Variants in SPPL2B observed in about 807,000 individuals in gnomAD.
SPPL2B encodes signal peptide peptidase-like 2B.
Under a neutral mutation model 59.7 loss-of-function variants are expected in SPPL2B, and 39 were observed. The ratio of observed to expected loss-of-function variants is 0.65; its 90% confidence interval spans 0.51 to 0.85. SPPL2B has a LOEUF of 0.85. Ranked by LOEUF, SPPL2B falls within the 40% of genes least tolerant of loss-of-function variation. The pLI is 0.00. For synonymous variants in SPPL2B, 419 were observed against 370.8 expected, an observed-to-expected ratio of 1.13 and a Z score of -1.49; for missense variants, 865 against 849.0, an observed-to-expected ratio of 1.02 and a Z score of -0.23.
Position 2,343,955 on chromosome 19 carries a change from G to A in SPPL2B, c.1039-10G>A. 6.5e-7 allele frequency: 1 copy of A among 1,547,190 alleles called. No individual in the cohort carries two copies. Among genetic ancestry groups the A allele is most frequent in the Non-Finnish European group, 8.7e-7 (1 of 1,145,994 alleles). On this transcript the variant is annotated splice_polypyrimidine_tract_variant and intron_variant, in intron 9 of 14. Coordinates refer to ENST00000613503, the MANE Select transcript of SPPL2B (RefSeq NM_152988.3). Reference sequence around the variant, plus strand: ...GGGGTGGGGGCCGCCCTCAGCCGTGGGCTTCGCAGGCCTGCACGCTGCTGC... The same window carrying A: ...GGGGTGGGGGCCGCCCTCAGCCGTGAGCTTCGCAGGCCTGCACGCTGCTGC...
intron 1 of SPPL2B, among the ~76,000 whole-genome samples, chr19:2,334,335 C>T (rs894068537): frequency 7.2e-5 from 11 of 152,214 alleles, no homozygotes; most frequent in Non-Finnish European, 1.5e-4. Context: ...TGCAGAAACT[C>T]GGGAGCCACA....
chr19:2,343,004 G>A, intron 8 of SPPL2B: 1 of 583,324 alleles, frequency 1.7e-6, no homozygotes, highest in Non-Finnish European at 3.1e-6. Context: ...GCCCTGGGGT[G>A]GGGCCTGTGC....
chr19:2,339,735 T>C (rs1270685410), intron 5 of SPPL2B, 89 bp from the exon 6 acceptor site: 1 of 1,493,136 alleles, frequency 6.7e-7, no homozygotes, highest in Non-Finnish European at 9.1e-7. Flanking sequence ...CCGGGTTTTC[T>C]GCCCCGTTCC....
At position 2,353,063 on chromosome 19, in the gene SPPL2B, T is replaced by C. The variant is rs1446286241; in HGVS notation, c.1633T>C (p.Trp545Arg). 6.2e-7 allele frequency: 1 copy of C among 1,611,910 alleles called. No homozygotes were observed. The highest frequency in any genetic ancestry group is 8.5e-7 in the Non-Finnish European group (1 of 1,179,618). ...CAGCGAAGAACCAGCCACATCCCCC[T>C]GGCCTGCTGAGCAGTCCCCAAAATC... is the stretch of plus-strand genomic sequence containing the variant. ...PPSEEPATSP[W>R]PAEQSPKSRT... The change falls in exon 15 of 15, where the codon TGG becomes CGG. Residue 545 changes from tryptophan (W) to arginine (R), a missense_variant. Trp to Arg is a moderately radical substitution (Grantham distance 101). Coordinates refer to ENST00000613503, the MANE Select transcript of SPPL2B (RefSeq NM_152988.3).
At chr19:2,335,368 T>TC (rs1284014256) in intron 2 of SPPL2B, among the ~76,000 whole-genome samples, 1 of 121,042 alleles carries the variant, frequency 8.3e-6, no homozygotes, top group Non-Finnish European at 1.8e-5. Flanking sequence ...CCCGCCTCCT[T>TC]TCTCACTGCA....
intron 14 of SPPL2B, among the ~76,000 whole-genome samples, chr19:2,352,512 C>T (rs145664739): frequency 1.6e-4 from 25 of 152,246 alleles, no homozygotes; most frequent in South Asian, 2.1e-4. Context: ...GTTCCAGTGC[C>T]GAGCTGGGCT....
At chr19:2,342,287 A>G (rs779352284) in intron 8 of SPPL2B, 2 of 152,462 alleles carry the variant, frequency 1.3e-5, no homozygotes, top group Non-Finnish European at 2.9e-5. Flanking sequence ...CCAGGGCACC[A>G]ACCGCATGGC....
Position 2,344,000 on chromosome 19 carries a change from C to T in SPPL2B, c.1074C>T (p.Tyr358=), listed in dbSNP as rs774219114. Residue 358 remains tyrosine (Y), a synonymous_variant, in exon 10 of 15, where the codon TAC becomes TAT. Coordinates refer to ENST00000613503, the MANE Select transcript of SPPL2B (RefSeq NM_152988.3). ...CTLLLLVLFL[Y]DIFFVFITPF... ...TGCTGCTGCTGGTGCTGTTCCTCTA[C>T]GACATCTTCTTCGTGTTCATCACGC... 22 of 1,548,344 alleles carry T rather than the reference C, an allele frequency of 1.4e-5. No homozygotes were observed. The highest frequency in any genetic ancestry group is 9.8e-5 in the Admixed American group (5 of 50,962).
In SPPL2B at chr19:2,340,285, C is replaced by T. The variant is rs562905314; in HGVS notation, c.839+113C>T. 176 of 876,440 alleles carry T rather than the reference C, an allele frequency of 2.0e-4. 1 individual carries two copies. Among genetic ancestry groups the T allele is most frequent in the South Asian group, 2.5e-4 (14 of 56,438 alleles). 54.3% of individuals were successfully genotyped at this position (876,440 alleles called of 1,614,324 possible). Reference sequence around the variant, plus strand: ...AATATTGCTCAGAGTCTACAGCAGGCGCTCCCTCAGTGCTGGCCTGGGGCT... The same window carrying T: ...AATATTGCTCAGAGTCTACAGCAGGTGCTCCCTCAGTGCTGGCCTGGGGCT... On this transcript the variant is annotated intron_variant, in intron 7 of 14. Transcript: ENST00000613503.
In SPPL2B at chr19:2,353,102, G is replaced by T. The variant is rs1348700989; in HGVS notation, c.1672G>T (p.Glu558Ter). 1 of 1,611,424 alleles carries T rather than the reference G, an allele frequency of 6.2e-7. No individual in the cohort carries two copies. Among genetic ancestry groups the T allele is most frequent in the East Asian group, 2.2e-5 (1 of 44,844 alleles). The change falls in exon 15 of 15, where the codon GAG (glutamate) becomes TAG (stop). Residue 558 changes from glutamate (E) to a stop codon, truncating the protein, a stop_gained. Coordinates refer to ENST00000613503, the MANE Select transcript of SPPL2B (RefSeq NM_152988.3). LOFTEE classifies it low-confidence loss of function (END_TRUNC). ...GTCCCCAAAATCACGCACGTCCGAGGAGATGGGGGCTGGAGCCCCCATGCG... is the reference window on the plus strand; with the variant it reads ...GTCCCCAAAATCACGCACGTCCGAGTAGATGGGGGCTGGAGCCCCCATGCG... ...EQSPKSRTSEEMGAGAPMREP... is the reference protein window; with the variant it reads ...EQSPKSRTSE
At chr19:2,334,072 G>T (rs893082433) in intron 1 of SPPL2B, among the ~76,000 whole-genome samples, 2 of 152,188 alleles carry the variant, frequency 1.3e-5, no homozygotes, top group African/African-American at 2.4e-5. Flanking sequence ...GTGTGCCTGG[G>T]CCCCCGTGTG....
chr19:2,344,685 C>A (rs746371177), intron 12 of SPPL2B, 33 bp downstream of exon 12: 3 of 1,431,708 alleles, frequency 2.1e-6, no homozygotes, highest in Admixed American at 3.5e-5. Context: ...CGGGTCCACG[C>A]TGTGGGGCAG....
At chr19:2,339,386 C>G (rs929680080) in intron 5 of SPPL2B, among the ~76,000 whole-genome samples, 178 bp downstream of exon 5, 9 of 152,194 alleles carry the variant, frequency 5.9e-5, no homozygotes, top group Non-Finnish European at 1.3e-4. Flanking sequence ...CTTTTCCTGC[C>G]AGGGTGGGCT....
intron 2 of SPPL2B, among the ~76,000 whole-genome samples, chr19:2,335,593 A>G (rs1218991339): frequency 2.9e-4 from 15 of 51,020 alleles, no homozygotes; most frequent in Admixed American, 1.4e-3. Context: ...CTTTCCCACC[A>G]CACCCCTCTG....
intron 12 of SPPL2B, 36 bp from the exon 13 acceptor site, chr19:2,345,216 CG>C (rs1568445612): frequency 1.3e-6 from 2 of 1,591,462 alleles, no homozygotes; most frequent in South Asian, 2.2e-5. Context: ...TGAGGCTCTG[CG>C]GGCCCGAGTA....
intron 1 of SPPL2B, among the ~76,000 whole-genome samples, chr19:2,331,432 G>A (rs938678857): frequency 6.6e-6 from 1 of 152,200 alleles, no homozygotes; most frequent in African/African-American, 2.4e-5. Flanking sequence ...CCAAATTTCG[G>A]TGGGCCTGTC....
chr19:2,344,332 C>G (rs376130295), intron 10 of SPPL2B, 30 bp from the exon 11 acceptor site: 2 of 1,439,830 alleles, frequency 1.4e-6, no homozygotes, highest in East Asian at 5.1e-5. Flanking sequence ...CCCATCACCA[C>G]GCTCCCTCAC....
intron 1 of SPPL2B, among the ~76,000 whole-genome samples, chr19:2,331,086 C>T (rs1459228972): frequency 6.6e-6 from 1 of 152,258 alleles, no homozygotes; most frequent in East Asian, 1.9e-4. Context: ...GCAAGGAAGT[C>T]GACCTCCCCA....
chr19:2,352,885 C>T, intron 14 of SPPL2B, 61 bp from the exon 15 acceptor site: 1 of 1,588,976 alleles, frequency 6.3e-7, no homozygotes, highest in Non-Finnish European at 8.6e-7. Flanking sequence ...GTCCTGGCCC[C>T]TGCCAGGGTC....
Sources: gnomAD v4.1 joint callset for allele counts (sites outside exome capture counted in the v4.1 genomes callset) on GRCh38, gnomAD v4.1.1 for gene constraint, MANE v1.5 for transcripts, NCBI Gene and HGNC (gene_info 2026-07-23, HGNC 2026-07-21) for gene names.